The following HFM1 variants were observed in gnomAD, a reference collection of about 807,000 sequenced individuals.
HFM1 encodes the protein helicase for meiosis 1.
A neutral mutation model predicts 192.1 loss-of-function variants in HFM1; 169 were observed. The observed-to-expected ratio is 0.88, with a 90% CI of 0.78 to 1.00. The LOEUF is 1.00. Ranked by LOEUF, HFM1 falls within the 50% of genes least tolerant of loss-of-function variation. The probability of loss-of-function intolerance (pLI) is 0.00; values close to 1 mark genes in which losing one functional copy is unlikely to be tolerated. For missense variants in HFM1, 1,661 were observed against 1,668.0 expected, an observed-to-expected ratio of 1.00 and a Z score of 0.07; for synonymous variants, 525 against 537.8, an observed-to-expected ratio of 0.98 and a Z score of 0.33.
rs542537435 is a variant in HFM1, at chr1:91,290,147, A to G, written c.3392-13085T>C. Among the ~76,000 whole-genome samples, 47 of 152,272 alleles carry G rather than the reference A, an allele frequency of 3.1e-4. No individual in the cohort carries two copies. In the South Asian group the frequency reaches 8.9e-3, roughly 29 times the overall value. On this transcript the variant is annotated intron_variant, in intron 30 of 38. Coordinates refer to ENST00000370425, the MANE Select transcript of HFM1 (RefSeq NM_001017975.6). ...TAGGAAGAAAACTGCATCAACTAACAAGCAAAATAACCAGCTAACATCATA... is the reference window on the plus strand; with the variant it reads ...TAGGAAGAAAACTGCATCAACTAACGAGCAAAATAACCAGCTAACATCATA...
chr1:91,367,590 A>C (rs903817775), intron 13 of HFM1, among the ~76,000 whole-genome samples: 1 of 149,782 alleles, frequency 6.7e-6, no homozygotes, highest in Admixed American at 6.7e-5. Flanking sequence ...CATCCACACC[A>C]AAAACCCACC....
rs1459156384 is a variant in HFM1, at chr1:91,318,988, T to A, written c.2812+90A>T. 5.5e-6 allele frequency: 7 copies of A among 1,276,196 alleles called. No individual in the cohort carries two copies. The Admixed American group carries it at 1.7e-4, about 30-fold the overall frequency. The allele number at this position is 1,276,196 out of a possible 1,614,324, so 79.1% of individuals were successfully genotyped here. ...TACAAACACATACCTTCCTTGAAGGTCTGTAATCATCACAGAATAATTTTA... is the reference window on the plus strand; with the variant it reads ...TACAAACACATACCTTCCTTGAAGGACTGTAATCATCACAGAATAATTTTA... On this transcript the variant is annotated intron_variant, in intron 25 of 38. Transcript: ENST00000370425.
chr1:91,378,523 G>T, intron 9 of HFM1, 43 bp from the exon 10 acceptor site: 1 of 1,146,842 alleles, frequency 8.7e-7, no homozygotes, highest in South Asian at 1.4e-5. Context: ...ATGTGATAAG[G>T]AATTATAATA....
intron 20 of HFM1, chr1:91,328,534 G>A (rs7541566): frequency 1.9e-6 from 3 of 1,612,488 alleles, no homozygotes; most frequent in Non-Finnish European, 2.5e-6. Context: ...GGGTGGGGAT[G>A]TGCTGCAGAA....
intron 13 of HFM1, among the ~76,000 whole-genome samples, chr1:91,373,222 A>C (rs1424679508): frequency 2.6e-5 from 4 of 151,902 alleles, no homozygotes; most frequent in Admixed American, 6.6e-5. Flanking sequence ...GTTGACAAGC[A>C]ACCAGAGGTG....
Position 91,327,447 on chromosome 1 carries a change from C to T in HFM1, c.2336-2681G>A, listed in dbSNP as rs972155946. Among the ~76,000 whole-genome samples the T allele has an allele frequency of 2.6e-5, 4 of 151,950 alleles. No individual in the cohort carries two copies. The East Asian group carries it at 5.8e-4, about 22-fold the overall frequency. On this transcript the variant is annotated intron_variant, in intron 20 of 38. Transcript: ENST00000370425. ...GTAGGAGGGTCACTTGAGCCTGGGA[C>T]GTGGAGGTTATAGTGAGGAGCACCC...
In HFM1 at chr1:91,380,193, C is replaced by G; in HGVS notation, c.917G>C (p.Gly306Ala). The G allele has an allele frequency of 6.3e-7, 1 of 1,577,928 alleles. No individual in the cohort carries two copies. Among genetic ancestry groups the G allele is most frequent in the Non-Finnish European group, 8.6e-7 (1 of 1,156,596 alleles). ...TTCAAACACTACAGTTTTTCCAGAA[C>G]CAGTTGGAGCACAAATCACAAAATT... ...DRNFVICAPT[G>A]SGKTVVFELA... is the part of the protein sequence containing the mutation. The change falls in exon 8 of 39, where the codon GGT (glycine) becomes GCT (alanine). Residue 306 changes from glycine to alanine, a missense_variant. Physicochemically the swap from Gly to Ala is moderately conservative, Grantham distance 60. Transcript: ENST00000370425.
At chr1:91,345,068 G>C (rs532863562) in intron 19 of HFM1, among the ~76,000 whole-genome samples, 2 of 151,918 alleles carry the variant, frequency 1.3e-5, no homozygotes, top group Non-Finnish European at 2.9e-5. Flanking sequence ...TCTCATAAAC[G>C]CTACATATTT....
At chr1:91,314,204 G>C (rs1474798523) in intron 28 of HFM1, 144 bp from the exon 29 acceptor site, 3 of 527,332 alleles carry the variant, frequency 5.7e-6, no homozygotes, top group Non-Finnish European at 1.0e-5. Context: ...CAACTTTTAA[G>C]GAGGGAGAAT....
At chr1:91,376,109 G>A (rs1660880060) in intron 11 of HFM1, among the ~76,000 whole-genome samples, 1 of 151,890 alleles carries the variant, frequency 6.6e-6, no homozygotes, top group South Asian at 2.1e-4. Flanking sequence ...TCTCTTTTGT[G>A]TTGTCCTAAA....
At chr1:91,352,951 A>T in intron 15 of HFM1, 100 bp downstream of exon 15, 1 of 732,188 alleles carries the variant, frequency 1.4e-6, no homozygotes, top group Non-Finnish European at 2.2e-6. Context: ...TCAGAAGAAA[A>T]GCAGAAACAA....
At chr1:91,314,547 T>A (rs281988) in intron 28 of HFM1, among the ~76,000 whole-genome samples, 1 of 152,130 alleles carries the variant, frequency 6.6e-6, no homozygotes, top group East Asian at 1.9e-4. Context: ...TGTGAGCCAC[T>A]CCATCCAATC....
chr1:91,283,652 G>GT (rs1355838253), intron 30 of HFM1, among the ~76,000 whole-genome samples: 2 of 152,062 alleles, frequency 1.3e-5, no homozygotes, highest in African/African-American at 4.8e-5. Flanking sequence ...GCCACATATT[G>GT]TATTAATTTA....
At chr1:91,405,205 C>T (rs772099382), upstream of HFM1, among the ~76,000 whole-genome samples, 1 of 152,132 alleles carries the variant, frequency 6.6e-6, no homozygotes, top group Non-Finnish European at 1.5e-5. Context: ...ATCACAGTGG[C>T]ACTCATGAGG....
At chr1:91,402,043 G>C (rs970649287) in intron 1 of HFM1, among the ~76,000 whole-genome samples, 1 of 151,962 alleles carries the variant, frequency 6.6e-6, no homozygotes, top group African/African-American at 2.4e-5. Flanking sequence ...CATAAAATCA[G>C]ACGAACAAAC....
chr1:91,328,668 G>T, intron 20 of HFM1: 1 of 1,596,718 alleles, frequency 6.3e-7, no homozygotes, highest in Non-Finnish European at 8.6e-7. Context: ...AGTCAGGCGA[G>T]CTGGCCAAAT....
At chr1:91,385,873 T>G (rs1283068470) in intron 4 of HFM1, 39 bp from the exon 5 acceptor site, 6 of 1,531,254 alleles carry the variant, frequency 3.9e-6, no homozygotes, top group South Asian at 1.2e-5. Context: ...TTCTCACGTG[T>G]AACACTTGCT....
intron 20 of HFM1, among the ~76,000 whole-genome samples, chr1:91,334,727 G>A (rs1416724915): frequency 5.3e-5 from 8 of 151,928 alleles, no homozygotes; most frequent in African/African-American, 1.7e-4. Context: ...TCAGGAGTTC[G>A]AGACCAGCCT....
rs1164463218 is a variant in HFM1, at chr1:91,350,819, T to C, written c.2125A>G (p.Ile709Val). 3.7e-6 allele frequency: 6 copies of C among 1,608,970 alleles called. No homozygotes were observed. Among genetic ancestry groups the C allele is most frequent in the Non-Finnish European group, 5.1e-6 (6 of 1,176,422 alleles). ...HLNAEIVLHT[I>V]TDVNIAVEWI... is the part of the protein sequence containing the mutation. ...TCCACAGCAATATTCACATCCGTGA[T>C]GGTATGCAGTACTATCTCTGCATTT... The change falls in exon 18 of 39, where the codon ATC (isoleucine) becomes GTC (valine). Residue 709 changes from isoleucine to valine, a missense_variant. Transcript: ENST00000370425.
Sources: allele counts gnomAD v4.1 joint callset (sites outside exome capture counted in the v4.1 genomes callset), GRCh38; gene constraint gnomAD v4.1.1; transcripts MANE v1.5; gene names NCBI Gene and HGNC (gene_info 2026-07-23, HGNC 2026-07-21).